SLC44A5: variants seen among roughly 807,000 people sequenced by gnomAD.
SLC44A5 encodes the protein solute carrier family 44 member 5.
A neutral mutation model predicts 101.8 loss-of-function variants in SLC44A5; 57 were observed. The observed-to-expected ratio is 0.56, with a 90% CI of 0.45 to 0.70. The LOEUF (loss-of-function observed/expected upper bound fraction) is 0.70, where lower values mean the gene tolerates loss of function less well. Ranked by LOEUF, SLC44A5 falls within the 30% of genes least tolerant of loss-of-function variation. SLC44A5 has a pLI of 0.00. For missense variants in SLC44A5, 737 were observed against 853.1 expected (o/e 0.86, Z 1.70); for synonymous variants, 281 against 290.9 (o/e 0.97, Z 0.35).
In SLC44A5 at chr1:75,608,719, G is replaced by A. The variant is rs1016155384; in HGVS notation, c.-70+2321C>T. ...CAAACATACCAGGTATATTTTCACT[G>A]TAGGGTCTTTGCTCTGGCTTTTCCT... On this transcript the variant is annotated intron_variant, in intron 1 of 23. Coordinates refer to ENST00000370859, the MANE Select transcript of SLC44A5 (RefSeq NM_001130058.2). 4.6e-5 allele frequency among the ~76,000 whole-genome samples: 7 copies of A among 151,650 alleles called. No homozygotes were observed. The South Asian group carries it at 1.5e-3, about 32-fold the overall frequency.
chr1:75,531,172 C>T (rs1027793613), intron 2 of SLC44A5, among the ~76,000 whole-genome samples: 7 of 152,146 alleles, frequency 4.6e-5, no homozygotes, highest in East Asian at 1.9e-4. Flanking sequence ...ATTCAGAAAG[C>T]GCATTAGCAT....
At chr1:75,332,673 G>A (rs1570699538) in intron 4 of SLC44A5, among the ~76,000 whole-genome samples, 1 of 152,124 alleles carries the variant, frequency 6.6e-6, no homozygotes, top group African/African-American at 2.4e-5. Context: ...ACTTATTAGG[G>A]ATGTTGAAGA....
chr1:75,545,352 T>C (rs184960139), intron 1 of SLC44A5, among the ~76,000 whole-genome samples: 17 of 152,334 alleles, frequency 1.1e-4, no homozygotes, highest in Non-Finnish European at 2.1e-4. Flanking sequence ...GAATGACTTA[T>C]AATCCTTTGG....
At chr1:75,527,149 AAAAAAG>A (rs941440267) in intron 2 of SLC44A5, among the ~76,000 whole-genome samples, 9 of 150,182 alleles carry the variant, frequency 6.0e-5, no homozygotes, top group African/African-American at 2.2e-4. Flanking sequence ...AAAAAGAAAA[AAAAAAG>A]AAAAGAAAAG....
At chr1:75,481,165 G>A (rs1557832612) in intron 2 of SLC44A5, among the ~76,000 whole-genome samples, 2 of 152,068 alleles carry the variant, frequency 1.3e-5, no homozygotes, top group African/African-American at 4.8e-5. Context: ...AGGATTCCCT[G>A]TTTAATAAAT....
chr1:75,701,730 G>A, the SLC44A5 span, among the ~76,000 whole-genome samples: 17 of 152,286 alleles, frequency 1.1e-4, no homozygotes, highest in African/African-American at 3.6e-4. Context: ...CCTGTTTGCC[G>A]ATGACATGAT....
At chr1:75,468,849 G>C (rs561166294) in intron 2 of SLC44A5, among the ~76,000 whole-genome samples, 8 of 152,240 alleles carry the variant, frequency 5.3e-5, no homozygotes, top group African/African-American at 1.9e-4. Flanking sequence ...TGACCCAAGA[G>C]ATAAATGTTT....
At chr1:75,323,380 T>C (rs935977564) in intron 4 of SLC44A5, among the ~76,000 whole-genome samples, 1 of 152,010 alleles carries the variant, frequency 6.6e-6, no homozygotes, top group Non-Finnish European at 1.5e-5. Context: ...TTTGCTATTG[T>C]GAGTAATGCC....
intron 1 of SLC44A5, among the ~76,000 whole-genome samples, chr1:75,557,549 G>A (rs972057818): frequency 6.6e-6 from 1 of 151,988 alleles, no homozygotes; most frequent in African/African-American, 2.4e-5. Flanking sequence ...CTTTGTCAGG[G>A]TAATTTTCCA....
the SLC44A5 span, among the ~76,000 whole-genome samples, chr1:75,652,996 C>T: frequency 6.6e-6 from 1 of 152,102 alleles, no homozygotes; most frequent in Non-Finnish European, 1.5e-5. Flanking sequence ...ATATGTTGTA[C>T]TGGATATGCT....
chr1:75,641,069 T>C, the SLC44A5 span, among the ~76,000 whole-genome samples: 1 of 152,096 alleles, frequency 6.6e-6, no homozygotes, highest in Non-Finnish European at 1.5e-5. Flanking sequence ...AAGGACATAA[T>C]AAAATACAAA....
rs952062305 is a variant in SLC44A5 at position 75,219,332 on chromosome 1, T to C, written c.1191A>G (p.Thr397=). 1.9e-6 allele frequency: 3 copies of C among 1,611,956 alleles called. No homozygotes were observed. The highest frequency in any genetic ancestry group is 1.7e-6 in the Non-Finnish European group (2 of 1,178,168). ...YWVVTAVFLA[T]SGVPVYKVIA... Reference sequence around the variant, plus strand: ...TGACTTTGTATACAGGTACCCCCGATGTCGCCAAGAAACTGAATAAACTCC... The same window carrying C: ...TGACTTTGTATACAGGTACCCCCGACGTCGCCAAGAAACTGAATAAACTCC... Residue 397 remains threonine (T), a synonymous_variant, in exon 16 of 24, where the codon ACA becomes ACG. Transcript: ENST00000370859.
chr1:75,226,445 T>C (rs1438313474), intron 13 of SLC44A5, among the ~76,000 whole-genome samples: 2 of 152,146 alleles, frequency 1.3e-5, no homozygotes, highest in Admixed American at 1.3e-4. Context: ...TAGTGTCCTA[T>C]ATGGAAAATG....
intron 23 of SLC44A5, among the ~76,000 whole-genome samples, chr1:75,210,475 A>C (rs1405148697): frequency 6.6e-6 from 1 of 152,214 alleles, no homozygotes; most frequent in Non-Finnish European, 1.5e-5. Context: ...TATCAAAATT[A>C]ATCCAACTAT....
chr1:75,363,252 C>A (rs1659624125), intron 3 of SLC44A5, among the ~76,000 whole-genome samples: 1 of 151,966 alleles, frequency 6.6e-6, no homozygotes, highest in Admixed American at 6.6e-5. Context: ...TTTAACCCAA[C>A]CAGTCATTCT....
At chr1:75,641,407 A>C in the SLC44A5 span, 1 of 1,049,628 alleles carries the variant, frequency 9.5e-7, no homozygotes. Flanking sequence ...ATTTTTGTAC[A>C]TTGCTTTGTG....
chr1:75,721,728 G>C, the SLC44A5 span, among the ~76,000 whole-genome samples: 3 of 152,160 alleles, frequency 2.0e-5, no homozygotes, highest in East Asian at 5.8e-4. Flanking sequence ...TCCAGCATTA[G>C]GGCATTCTTC....
chr1:75,542,480 T>C (rs891080031), intron 1 of SLC44A5, among the ~76,000 whole-genome samples: 3 of 152,144 alleles, frequency 2.0e-5, no homozygotes, highest in African/African-American at 7.2e-5. Context: ...ATTGAGATTG[T>C]GATTTTTTCT....
intron 7 of SLC44A5, among the ~76,000 whole-genome samples, chr1:75,243,442 C>A (rs891720951): frequency 2.0e-5 from 3 of 151,988 alleles, no homozygotes; most frequent in Non-Finnish European, 4.4e-5. Context: ...TGGTCTAAAT[C>A]AATTTTCTAG....
Sources: allele counts gnomAD v4.1 joint callset (sites outside exome capture counted in the v4.1 genomes callset), GRCh38; gene constraint gnomAD v4.1.1; transcripts MANE v1.5; gene names NCBI Gene and HGNC (gene_info 2026-07-23, HGNC 2026-07-21).